ZNF577: variants seen among roughly 807,000 people sequenced by gnomAD.
ZNF577 encodes zinc finger protein 577.
In ZNF577, 14 loss-of-function variants were observed where a neutral mutation model predicts 13.9. The observed-to-expected ratio is 1.00, with a 90% CI of 0.66 to 1.57. The LOEUF (loss-of-function observed/expected upper bound fraction) is 1.57, where lower values mean the gene tolerates loss of function less well. ZNF577 is among the 40% of genes most tolerant of loss of function. The pLI is 0.00. For missense variants in ZNF577, 555 were observed against 579.2 expected (o/e 0.96, Z 0.43); for synonymous variants, 203 against 202.9 (o/e 1.00, Z 0.00).
At chr19:51,817,205 TC>T (rs2084143282) in intron 9 of ZNF577, among the ~76,000 whole-genome samples, 1 of 152,174 alleles carries the variant, frequency 6.6e-6, no homozygotes, top group South Asian at 2.1e-4. Context: ...GCTCCATTGT[TC>T]CCTTGTCCTT....
intron 10 of ZNF577, among the ~76,000 whole-genome samples, chr19:51,807,372 C>T (rs1315093519): frequency 2.0e-5 from 3 of 152,150 alleles, no homozygotes; most frequent in East Asian, 3.9e-4. Flanking sequence ...TTGGTGGCAG[C>T]GCAGTGTGAG....
Position 51,880,369 on chromosome 19 carries a change from G to A in ZNF577, c.14C>T (p.Thr5Met), listed in dbSNP as rs1289557662. The A allele has an allele frequency of 3.7e-6, 6 of 1,614,020 alleles. No homozygotes were observed. The highest frequency in any genetic ancestry group is 2.2e-5 in the East Asian group (1 of 44,876). MKNA[T>M]IVMSVRREQG... The stretch of plus-strand genomic sequence containing the variant: ...CTCTCTCCTCACAGACATTACAATC[G>A]TGGCATTTTTCATGTGTTTCCTGTT... The change falls in exon 3 of 6, where the codon ACG becomes ATG. Residue 5 changes from threonine to methionine, a missense_variant. Thr to Met is a moderately conservative substitution (Grantham distance 81). Transcript: ENST00000638348.
intron 5 of ZNF577, among the ~76,000 whole-genome samples, chr19:51,855,367 C>CTGTGTGTGTGTGTATGTGTGTGTGTG (rs1555745556): frequency 2.1e-5 from 3 of 143,460 alleles, no homozygotes; most frequent in African/African-American, 7.9e-5. Context: ...GCTGAGGGTG[C>CTGTGTGTGTGTGTATGTGTGTGTGTG]TGTGTGTGTG....
chr19:51,874,496 A>G (rs1264669895), intron 5 of ZNF577, among the ~76,000 whole-genome samples: 1 of 152,146 alleles, frequency 6.6e-6, no homozygotes, highest in Non-Finnish European at 1.5e-5. Flanking sequence ...ATAAAAAAAA[A>G]AAAATGTAAG....
chr19:51,822,003 T>G (rs2084193555), intron 9 of ZNF577, among the ~76,000 whole-genome samples: 1 of 152,096 alleles, frequency 6.6e-6, no homozygotes. Flanking sequence ...TAGAGTTGGG[T>G]TCATGAATAT....
chr19:51,826,104 T>C lies in ZNF577; in HGVS notation c.*599+13789A>G, dbSNP rs1388950712. 2.6e-5 allele frequency: 4 copies of C among 155,418 alleles called. No individual in the cohort carries two copies. In the East Asian group the frequency reaches 7.7e-4, roughly 30 times the overall value. The allele number at this position is 155,418 out of a possible 1,614,324, so 9.6% of individuals were successfully genotyped here. On this transcript the variant is annotated intron_variant and NMD_transcript_variant, in intron 9 of 10. Coordinates refer to the ZNF577 transcript ENST00000638827. ...ATTAACGTGATCATATTATTTTTAT[T>C]CTTTCATTTACATAATTATAAATTA...
intron 5 of ZNF577, among the ~76,000 whole-genome samples, chr19:51,876,544 C>T (rs926618041): frequency 2.0e-5 from 3 of 151,604 alleles, no homozygotes; most frequent in East Asian, 1.9e-4. Flanking sequence ...GAGGCATTGA[C>T]GTGAGCTAAG....
intron 5 of ZNF577, among the ~76,000 whole-genome samples, chr19:51,857,394 G>GAA (rs1203689121): frequency 1.7e-5 from 2 of 119,382 alleles, no homozygotes; most frequent in African/African-American, 7.8e-5. Flanking sequence ...AAGAAAGAAA[G>GAA]AAAGAAAGAA....
intron 3 of ZNF577, among the ~76,000 whole-genome samples, chr19:51,879,928 A>G (rs1199236794): frequency 6.6e-6 from 1 of 152,224 alleles, no homozygotes; most frequent in Non-Finnish European, 1.5e-5. Context: ...AAGCATTGTC[A>G]GTATCTGCAT....
At chr19:51,864,212 T>C (rs992250373), downstream of ZNF577, among the ~76,000 whole-genome samples, 5 of 152,342 alleles carry the variant, frequency 3.3e-5, no homozygotes, top group Admixed American at 3.3e-4. Flanking sequence ...TAGACCATAA[T>C]TTAGATCTTT....
intron 1 of ZNF577, among the ~76,000 whole-genome samples, chr19:51,882,115 A>G (rs2084870834): frequency 6.6e-6 from 1 of 152,178 alleles, no homozygotes; most frequent in Non-Finnish European, 1.5e-5. Flanking sequence ...GTCCAAAAAC[A>G]GTGGTACCCA....
intron 5 of ZNF577, among the ~76,000 whole-genome samples, chr19:51,876,456 A>C (rs997246444): frequency 2.6e-5 from 4 of 151,828 alleles, no homozygotes; most frequent in African/African-American, 9.7e-5. Context: ...CAGAAGATAA[A>C]AAAAAAAAAC....
intron 1 of ZNF577, among the ~76,000 whole-genome samples, chr19:51,885,912 A>G (rs1379239794): frequency 6.6e-6 from 1 of 152,220 alleles, no homozygotes; most frequent in Non-Finnish European, 1.5e-5. Flanking sequence ...AGTGGAATGG[A>G]TAATATGGGG....
rs1555745840 is a variant in ZNF577 at position 51,857,426 on chromosome 19, G to GAAAGAAAGAA, written c.284-12496_284-12495insTTCTTTCTTT. Among the ~76,000 whole-genome samples the GAAAGAAAGAA allele has an allele frequency of 6.3e-3, 608 of 96,438 alleles. 12 individuals are homozygous for GAAAGAAAGAA. Among genetic ancestry groups the GAAAGAAAGAA allele is most frequent in the African/African-American group, 0.018 (368 of 20,134 alleles). 63.3% of individuals were successfully genotyped at this position (96,438 alleles called of 152,430 possible). ...AGAAAGAAAGAAAGAAAGAAAGAAA[G>GAAAGAAAGAA]AAAAGAAAAAACAAAGAAAGGAAGG... On this transcript the variant is annotated intron_variant and NMD_transcript_variant, in intron 5 of 10. Transcript: ENST00000638827.
chr19:51,881,972 G>A (rs1237045832), intron 1 of ZNF577, among the ~76,000 whole-genome samples: 1 of 152,140 alleles, frequency 6.6e-6, no homozygotes, highest in African/African-American at 2.4e-5. Context: ...TTTACACCCA[G>A]AGAGCTGATC....
chr19:51,846,665 G>A (rs1203743262), intron 5 of ZNF577, among the ~76,000 whole-genome samples: 1 of 151,790 alleles, frequency 6.6e-6, no homozygotes. Flanking sequence ...CCGAGATCGC[G>A]CCACTGCACT....
rs202200673 is a variant in ZNF577, at chr19:51,869,602, C to CTA, written c.*2928_*2929dup. ...GTCCCCTGGGGCCACTGTTCTTTCT[C>CTA]TACTTTGTCTCTGTGTCTTATTTCT... On this transcript the variant is annotated 3_prime_UTR_variant, in exon 6 of 6. Transcript: ENST00000638348. Among the ~76,000 whole-genome samples the CTA allele has an allele frequency of 0.066, 9,979 of 152,214 alleles. 460 individuals carry two copies. Among genetic ancestry groups the CTA allele is most frequent in the Non-Finnish European group, 0.099 (6,699 of 67,998 alleles).
downstream of ZNF577, among the ~76,000 whole-genome samples, chr19:51,866,093 G>A (rs369388102): frequency 2.6e-4 from 40 of 150,974 alleles, no homozygotes; most frequent in East Asian, 3.1e-3. Flanking sequence ...CCAGCCTGGC[G>A]ACAGAGCAAG....
intron 1 of ZNF577, among the ~76,000 whole-genome samples, chr19:51,883,253 A>C (rs1364603473): frequency 6.6e-6 from 1 of 151,668 alleles, no homozygotes; most frequent in Non-Finnish European, 1.5e-5. Context: ...AGCCTCCCAA[A>C]GTGCTGGGAT....
Sources: allele counts gnomAD v4.1 joint callset (sites outside exome capture counted in the v4.1 genomes callset), GRCh38; gene constraint gnomAD v4.1.1; transcripts MANE v1.5; gene names NCBI Gene and HGNC (gene_info 2026-07-23, HGNC 2026-07-21).